STXBP5: variants seen among roughly 807,000 people sequenced by gnomAD.
The protein encoded by STXBP5 is syntaxin-binding protein 5.
A neutral mutation model predicts 152.4 loss-of-function variants in STXBP5; 50 were observed. That is an observed-to-expected ratio of 0.33 (90% CI 0.26 to 0.42). The LOEUF (loss-of-function observed/expected upper bound fraction) is 0.42. STXBP5 is among the 10% of genes least tolerant of loss of function. The pLI, the probability that STXBP5 is intolerant of heterozygous loss-of-function variation, is 1.00. For missense variants in STXBP5, 1,167 were observed against 1,388.6 expected (o/e 0.84, Z 2.54); for synonymous variants, 492 against 494.7 (o/e 0.99, Z 0.07).
chr6:147,208,044 T>A (rs1248160950), intron 2 of STXBP5, among the ~76,000 whole-genome samples: 1 of 152,170 alleles, frequency 6.6e-6, no homozygotes, highest in East Asian at 1.9e-4. Context: ...TGGCCAAAAT[T>A]GTCACTTGTA....
chr6:147,348,406 A>G (rs1025267764), intron 21 of STXBP5, among the ~76,000 whole-genome samples: 5 of 151,778 alleles, frequency 3.3e-5, no homozygotes, highest in Non-Finnish European at 5.9e-5. Context: ...CATGCATGCA[A>G]AATAGACAAG....
chr6:147,237,669 C>T (rs984830912), intron 3 of STXBP5, among the ~76,000 whole-genome samples: 2 of 152,194 alleles, frequency 1.3e-5, no homozygotes, highest in Non-Finnish European at 2.9e-5. Flanking sequence ...GTTGTCATGT[C>T]CTGGCAACAG....
intron 18 of STXBP5, among the ~76,000 whole-genome samples, chr6:147,329,936 T>G (rs1202969857): frequency 6.6e-6 from 1 of 152,090 alleles, no homozygotes; most frequent in Non-Finnish European, 1.5e-5. Flanking sequence ...CTCTTCAGGC[T>G]TTTTTAAAAG....
At chr6:147,214,143 C>G (rs1299625932) in intron 2 of STXBP5, among the ~76,000 whole-genome samples, 1 of 152,090 alleles carries the variant, frequency 6.6e-6, no homozygotes, top group Non-Finnish European at 1.5e-5. Flanking sequence ...CTATACAATA[C>G]AATTATTTTG....
intron 17 of STXBP5, among the ~76,000 whole-genome samples, chr6:147,325,353 C>T (rs552763386): frequency 1.4e-4 from 22 of 152,110 alleles, no homozygotes; most frequent in African/African-American, 5.3e-4. Flanking sequence ...GTCAGTATAT[C>T]CTCTCCTAAA....
intron 17 of STXBP5, 93 bp downstream of exon 17, chr6:147,325,177 C>A: frequency 8.3e-7 from 1 of 1,202,846 alleles, no homozygotes. Flanking sequence ...TTTGTTATAT[C>A]GTCACCTAAA....
In STXBP5 at chr6:147,204,941, A is replaced by G. The variant is rs1015878888; in HGVS notation, c.150+259A>G. 6.6e-6 allele frequency among the ~76,000 whole-genome samples: 1 copy of G among 152,132 alleles called. No individual in the cohort carries two copies. Among genetic ancestry groups the G allele is most frequent in the Non-Finnish European group, 1.5e-5 (1 of 68,034 alleles). ...AATCAGTTCAAGGTTGCTTCAAACT[A>G]TTATCCGACCTTTAATCGTATTCTG... On this transcript the variant is annotated intron_variant, in intron 1 of 27. Coordinates refer to ENST00000321680, the MANE Select transcript of STXBP5 (RefSeq NM_001127715.4). The surrounding 1 kb of genome is among the most constrained non-coding windows in gnomAD (Gnocchi z 4.3).
At chr6:147,291,019 A>G in intron 8 of STXBP5, 75 bp from the exon 9 acceptor site, 1 of 1,138,986 alleles carries the variant, frequency 8.8e-7, no homozygotes, top group Non-Finnish European at 1.2e-6. Context: ...TTTCACTTTC[A>G]TTTTATAAAC....
intron 25 of STXBP5, among the ~76,000 whole-genome samples, chr6:147,369,920 A>C (rs941764656): frequency 2.0e-5 from 3 of 151,718 alleles, no homozygotes; most frequent in African/African-American, 7.2e-5. Flanking sequence ...CAGCCACTTT[A>C]CTCATTTTTT....
intron 4 of STXBP5, among the ~76,000 whole-genome samples, chr6:147,253,678 G>A (rs1330961506): frequency 6.6e-6 from 1 of 152,166 alleles, no homozygotes; most frequent in Admixed American, 6.5e-5. Flanking sequence ...CAAATCATAA[G>A]TGAACTCCCA....
At chr6:147,268,940 C>G (rs186445311) in intron 7 of STXBP5, among the ~76,000 whole-genome samples, 1 of 152,204 alleles carries the variant, frequency 6.6e-6, no homozygotes, top group Admixed American at 6.5e-5. Context: ...AAGAGGGAAC[C>G]TAGGTGGAAG....
At chr6:147,217,283 G>A (rs964108609) in intron 2 of STXBP5, among the ~76,000 whole-genome samples, 5 of 152,126 alleles carry the variant, frequency 3.3e-5, no homozygotes, top group African/African-American at 7.2e-5. Flanking sequence ...TTCATAATGT[G>A]TTGTATTTTT....
chr6:147,326,904 C>A (rs1181912709), intron 17 of STXBP5, among the ~76,000 whole-genome samples: 1 of 152,092 alleles, frequency 6.6e-6, no homozygotes, highest in Non-Finnish European at 1.5e-5. Context: ...ATAAATAATG[C>A]AGTTGATTGA....
At chr6:147,359,401 A>C in intron 23 of STXBP5, 78 bp downstream of exon 23, 11 of 1,513,684 alleles carry the variant, frequency 7.3e-6, no homozygotes, top group Non-Finnish European at 9.7e-6. Flanking sequence ...TTCATTCTTG[A>C]ATTGATCTAA....
intron 9 of STXBP5, among the ~76,000 whole-genome samples, chr6:147,306,279 C>T (rs1250063263): frequency 1.3e-5 from 2 of 152,120 alleles, no homozygotes; most frequent in Non-Finnish European, 2.9e-5. Context: ...AGAGCTAGAA[C>T]ATGCAAAGCA....
intron 4 of STXBP5, among the ~76,000 whole-genome samples, chr6:147,258,138 A>G (rs1779465418): frequency 6.6e-6 from 1 of 152,130 alleles, no homozygotes; most frequent in Non-Finnish European, 1.5e-5. Flanking sequence ...ACTGCTAATA[A>G]TTCATTGGCG....
At chr6:147,254,330 C>T (rs1401080632) in intron 4 of STXBP5, among the ~76,000 whole-genome samples, 2 of 152,080 alleles carry the variant, frequency 1.3e-5, no homozygotes, top group African/African-American at 4.8e-5. Flanking sequence ...GACCTAAAAC[C>T]ATAAAAACCA....
chr6:147,236,163 A>T (rs1302233343), intron 3 of STXBP5, among the ~76,000 whole-genome samples: 1 of 152,184 alleles, frequency 6.6e-6, no homozygotes. Context: ...TCATGGGTGT[A>T]AAAAGATAAT....
At chr6:147,263,253 G>A (rs538790934) in intron 6 of STXBP5, among the ~76,000 whole-genome samples, 2 of 151,802 alleles carry the variant, frequency 1.3e-5, no homozygotes, top group South Asian at 2.1e-4. Context: ...AGGCATGGTA[G>A]GAGAGTTCAA....
Sources: allele counts gnomAD v4.1 joint callset (sites outside exome capture counted in the v4.1 genomes callset), GRCh38; gene constraint gnomAD v4.1.1; non-coding constraint Gnocchi (gnomAD v3.1); transcripts MANE v1.5; gene names NCBI Gene and HGNC (gene_info 2026-07-23, HGNC 2026-07-21).